VWA8: variants seen among roughly 807,000 people sequenced by gnomAD.
VWA8 encodes von Willebrand factor A domain containing 8.
A neutral mutation model predicts 241.5 loss-of-function variants in VWA8; 221 were observed. The observed-to-expected ratio is 0.91, with a 90% confidence interval of 0.82 to 1.02. VWA8 has a LOEUF of 1.02. VWA8 is among the 50% of genes least tolerant of loss of function. The pLI is 0.00. For synonymous variants in VWA8, 852 were observed against 827.1 expected, an observed-to-expected ratio of 1.03 and a Z score of -0.52; for missense variants, 2,322 against 2,328.7, an observed-to-expected ratio of 1.00 and a Z score of 0.06.
intron 21 of VWA8, among the ~76,000 whole-genome samples, chr13:41,751,732 A>T (rs1457140540): frequency 6.6e-6 from 1 of 152,200 alleles, no homozygotes; most frequent in African/African-American, 2.4e-5. Context: ...ACTATGACAG[A>T]GGAAAAGTAA....
intron 2 of VWA8, chr13:41,926,338 A>T (rs1876832740): frequency 1.4e-5 from 8 of 583,964 alleles, no homozygotes; most frequent in South Asian, 1.2e-4. Flanking sequence ...ATCTGCTCTA[A>T]GATCATCACA....
chr13:41,731,516 G>A (rs1426266282), intron 22 of VWA8, among the ~76,000 whole-genome samples: 1 of 152,124 alleles, frequency 6.6e-6, no homozygotes, highest in African/African-American at 2.4e-5. Flanking sequence ...ACTCTGAAGA[G>A]AGAAGAACAA....
At chr13:41,803,926 A>T (rs1372899169) in intron 17 of VWA8, among the ~76,000 whole-genome samples, 2 of 152,222 alleles carry the variant, frequency 1.3e-5, no homozygotes, top group Non-Finnish European at 2.9e-5. Flanking sequence ...TCAACAGCAA[A>T]ATTGATCAAG....
At chr13:41,883,980 C>A (rs1168158241) in intron 8 of VWA8, among the ~76,000 whole-genome samples, 1 of 152,208 alleles carries the variant, frequency 6.6e-6, no homozygotes, top group Non-Finnish European at 1.5e-5. Flanking sequence ...CTCACATTAT[C>A]TGCACTGTCA....
rs564993558 is a variant in VWA8, at chr13:41,714,993, A to C, written c.3116+4598T>G. Among the ~76,000 whole-genome samples, 3 of 152,078 alleles carry C rather than the reference A, an allele frequency of 2.0e-5. No individual in the cohort carries two copies. The East Asian group carries it at 5.8e-4, about 29-fold the overall frequency. On this transcript the variant is annotated intron_variant, in intron 26 of 44. Coordinates refer to ENST00000379310, the MANE Select transcript of VWA8 (RefSeq NM_015058.2). ...CTGCAATCTACATATCAATCTGTTT[A>C]TATCATCCTTAGAATTGGAATTAAT... is the stretch of plus-strand genomic sequence containing the variant.
At chr13:41,924,409 G>T (rs538828358) in intron 2 of VWA8, among the ~76,000 whole-genome samples, 1 of 142,982 alleles carries the variant, frequency 7.0e-6, no homozygotes, top group South Asian at 2.4e-4. Context: ...AGGGAGGGGA[G>T]GGGAGGAGAG....
chr13:41,688,179 C>T (rs1373381603), intron 34 of VWA8, among the ~76,000 whole-genome samples: 1 of 151,968 alleles, frequency 6.6e-6, no homozygotes, highest in Non-Finnish European at 1.5e-5. Flanking sequence ...ATTAGGAAAA[C>T]ATACATCAGA....
At chr13:41,900,233 AC>A (rs1392634543) in intron 4 of VWA8, among the ~76,000 whole-genome samples, 3 of 152,240 alleles carry the variant, frequency 2.0e-5, no homozygotes, top group African/African-American at 7.2e-5. Context: ...ACAGGTTGTA[AC>A]ATAAAATAAT....
At chr13:41,729,828 CA>C in intron 22 of VWA8, 151 bp from the exon 23 acceptor site, 1 of 596,060 alleles carries the variant, frequency 1.7e-6, no homozygotes. Context: ...CACACACACA[CA>C]CACACACACA....
chr13:41,883,683 T>C (rs1373182320), intron 8 of VWA8, among the ~76,000 whole-genome samples, 192 bp from the exon 9 acceptor site: 2 of 152,172 alleles, frequency 1.3e-5, no homozygotes, highest in Non-Finnish European at 2.9e-5. Context: ...TGGGTAAGCT[T>C]ACCCATTCCC....
intron 9 of VWA8, among the ~76,000 whole-genome samples, chr13:41,882,936 C>T (rs1392362777): frequency 6.6e-6 from 1 of 151,990 alleles, no homozygotes; most frequent in Non-Finnish European, 1.5e-5. Flanking sequence ...TACATATACA[C>T]ATACTATCTC....
chr13:41,893,535 C>G (rs1310082902), intron 4 of VWA8, among the ~76,000 whole-genome samples: 1 of 150,554 alleles, frequency 6.6e-6, no homozygotes, highest in Non-Finnish European at 1.5e-5. Context: ...AAAAGAATCT[C>G]ATTTTTGCTA....
At chr13:41,816,578 A>ATT in intron 16 of VWA8, 120 bp downstream of exon 16, 1 of 900,730 alleles carries the variant, frequency 1.1e-6, no homozygotes, top group Non-Finnish European at 1.7e-6. Context: ...GGCATAGCAT[A>ATT]AGGGATTCCA....
intron 34 of VWA8, among the ~76,000 whole-genome samples, chr13:41,688,000 T>A (rs1180552679): frequency 6.6e-6 from 1 of 152,190 alleles, no homozygotes; most frequent in Non-Finnish European, 1.5e-5. Flanking sequence ...GAAGATCAAT[T>A]TTTAAAATAG....
At chr13:41,677,610 C>T (rs1026777128) in intron 35 of VWA8, among the ~76,000 whole-genome samples, 1 of 152,032 alleles carries the variant, frequency 6.6e-6, no homozygotes, top group African/African-American at 2.4e-5. Context: ...TGTGAGTTGG[C>T]CCTAGTGAAA....
intron 12 of VWA8, among the ~76,000 whole-genome samples, chr13:41,835,847 C>A (rs1871700151): frequency 6.6e-6 from 1 of 151,882 alleles, no homozygotes; most frequent in Non-Finnish European, 1.5e-5. Flanking sequence ...ATGAATCATT[C>A]CAGAAAAATA....
At chr13:41,723,229 A>C (rs2045406872) in intron 24 of VWA8, among the ~76,000 whole-genome samples, 1 of 152,144 alleles carries the variant, frequency 6.6e-6, no homozygotes, top group Non-Finnish European at 1.5e-5. Flanking sequence ...CCTCTTCTAT[A>C]AGGCATCTCA....
chr13:41,661,269 A>T (rs1056471199), intron 37 of VWA8, among the ~76,000 whole-genome samples: 1 of 152,216 alleles, frequency 6.6e-6, no homozygotes, highest in Non-Finnish European at 1.5e-5. Context: ...ACTGACTTCT[A>T]TGGGAACCAA....
At chr13:41,806,157 A>G (rs1477203098) in intron 17 of VWA8, among the ~76,000 whole-genome samples, 1 of 152,122 alleles carries the variant, frequency 6.6e-6, no homozygotes, top group Admixed American at 6.5e-5. Context: ...GAAGAAATTA[A>G]GAAGAAAACT....
Sources: gnomAD v4.1 joint callset for allele counts (sites outside exome capture counted in the v4.1 genomes callset) on GRCh38, gnomAD v4.1.1 for gene constraint, MANE v1.5 for transcripts, NCBI Gene and HGNC (gene_info 2026-07-23, HGNC 2026-07-21) for gene names.